Variants in VAPB observed in about 807,000 individuals in gnomAD.
VAPB encodes VAMP associated protein B and C, also known as vesicle-associated membrane protein-associated protein B/C.
VAPB carries 7 observed loss-of-function variants against 25.6 expected under a neutral mutation model. The observed-to-expected ratio is 0.27, with a 90% CI of 0.16 to 0.51. The LOEUF is 0.51. Among genes scored for constraint, VAPB ranks in the 20% least tolerant of loss-of-function variants. VAPB has a pLI of 0.97. For missense variants in VAPB, 266 were observed against 301.3 expected (o/e 0.88, Z 0.87); for synonymous variants, 112 against 109.2 (o/e 1.03, Z -0.16).
chr20:58,437,991 A>C (rs989670863), intron 3 of VAPB, among the ~76,000 whole-genome samples: 2 of 152,144 alleles, frequency 1.3e-5, no homozygotes, highest in African/African-American at 4.8e-5. Context: ...GTAATCCTAG[A>C]ATACCCTGGA....
chr20:58,439,256 C>G (rs890863304), intron 4 of VAPB: 13 of 536,958 alleles, frequency 2.4e-5, no homozygotes, highest in Non-Finnish European at 4.0e-5. Flanking sequence ...AAGTGCAGCC[C>G]GATGGCCATT....
At chr20:58,426,323 A>G (rs1988780767) in intron 2 of VAPB, among the ~76,000 whole-genome samples, 1 of 152,074 alleles carries the variant, frequency 6.6e-6, no homozygotes, top group Admixed American at 6.6e-5. Context: ...TCAGCCTCCC[A>G]AGTAGCTGGG....
At chr20:58,410,152 A>AC (rs1988341304) in intron 1 of VAPB, among the ~76,000 whole-genome samples, 2 of 151,868 alleles carry the variant, frequency 1.3e-5, no homozygotes, top group African/African-American at 2.4e-5. Context: ...ATGCATCATA[A>AC]CCCCCTCCAC....
At chr20:58,434,334 C>T (rs1008758810) in intron 2 of VAPB, among the ~76,000 whole-genome samples, 1 of 152,160 alleles carries the variant, frequency 6.6e-6, no homozygotes, top group African/African-American at 2.4e-5. Context: ...GGTAGGCTTG[C>T]AGTAGTGAAA....
chr20:58,405,913 C>T (rs1398572640), intron 1 of VAPB, among the ~76,000 whole-genome samples: 4 of 151,942 alleles, frequency 2.6e-5, no homozygotes, highest in Non-Finnish European at 4.4e-5. Context: ...GCCACCACGC[C>T]TAAGTAATTT....
chr20:58,429,140 CT>C lies in VAPB; in HGVS notation c.212-5448del, dbSNP rs11478890. On this transcript the variant is annotated intron_variant, in intron 2 of 5. Transcript: ENST00000475243. The stretch of plus-strand genomic sequence containing the variant: ...AGCATATGCCATGGTGCTTGTTAGA[CT>C]TTTTTTTTTTTTTCCAAAGCAGAAA... Among the ~76,000 whole-genome samples, 1,241 of 140,280 alleles carry C rather than the reference CT, an allele frequency of 8.8e-3. 12 individuals carry two copies. Among genetic ancestry groups the C allele is most frequent in the African/African-American group, 0.028 (1,075 of 38,328 alleles). 92.0% of individuals were successfully genotyped at this position (140,280 alleles called of 152,430 possible). A position where few individuals can be genotyped will look rare whatever the true frequency, so the allele number is the denominator to read the frequency against.
chr20:58,401,448 A>T (rs1988093544), intron 1 of VAPB, among the ~76,000 whole-genome samples: 1 of 152,034 alleles, frequency 6.6e-6, no homozygotes, highest in Admixed American at 6.6e-5. Context: ...GAGCTCAATC[A>T]TTGCTTCATC....
intron 1 of VAPB, chr20:58,390,253 G>A (rs997068462): frequency 6.6e-6 from 1 of 152,220 alleles, no homozygotes; most frequent in East Asian, 1.9e-4. Flanking sequence ...ACGGTGCTGG[G>A]ATCCTTTTTC....
intron 5 of VAPB, among the ~76,000 whole-genome samples, chr20:58,442,202 T>G (rs376719036): frequency 3.3e-5 from 5 of 152,234 alleles, no homozygotes; most frequent in African/African-American, 1.2e-4. Flanking sequence ...GAGGTAGATA[T>G]AGGAGAACTG....
chr20:58,405,346 G>T (rs1988200093), intron 1 of VAPB, among the ~76,000 whole-genome samples: 1 of 152,230 alleles, frequency 6.6e-6, no homozygotes, highest in South Asian at 2.1e-4. Flanking sequence ...GGCCTGCGGG[G>T]AGATGAGCTC....
intron 2 of VAPB, among the ~76,000 whole-genome samples, chr20:58,431,681 C>T (rs1289200365): frequency 6.6e-6 from 1 of 151,990 alleles, no homozygotes; most frequent in African/African-American, 2.4e-5. Flanking sequence ...AGCAGTCCTT[C>T]CACCTCAATC....
chr20:58,414,481 G>A (rs182736724), intron 1 of VAPB, among the ~76,000 whole-genome samples: 8,572 of 151,256 alleles, frequency 0.057, 379 homozygotes, highest in Non-Finnish European at 0.084. Flanking sequence ...GGCGGTTGCC[G>A]GGCAGAGGGT....
chr20:58,423,254 A>G (rs1244773686), intron 2 of VAPB, among the ~76,000 whole-genome samples: 1 of 151,752 alleles, frequency 6.6e-6, no homozygotes, highest in Non-Finnish European at 1.5e-5. Flanking sequence ...TCTACTAAAC[A>G]TACAAAATTA....
At chr20:58,398,517 A>G (rs556852806) in intron 1 of VAPB, among the ~76,000 whole-genome samples, 1 of 152,298 alleles carries the variant, frequency 6.6e-6, no homozygotes, top group East Asian at 1.9e-4. Flanking sequence ...CCTGGGAGGA[A>G]GGCCTAGCCC....
Position 58,444,114 on chromosome 20 carries a change from G to A in VAPB, c.611G>A (p.Ser204Asn). 1 of 1,614,228 alleles carries A rather than the reference G, an allele frequency of 6.2e-7. No homozygotes were observed. The highest frequency in any genetic ancestry group is 8.5e-7 in the Non-Finnish European group (1 of 1,180,044). The change falls in exon 6 of 6, where the codon AGC becomes AAC. Residue 204 changes from serine to asparagine, a missense_variant. By Grantham distance (46) the Ser-to-Asn change is conservative (BLOSUM62 1). This residue lies in a region of VAPB where 136 missense variants were observed against 130.7 expected (regional missense o/e 1.04). Transcript: ENST00000475243. ...DGLRMRKTVQ[S>N]NSPISALAPT... ...CTGCGGATGAGGAAGACAGTGCAGAGCAACAGCCCCATTTCAGCATTAGCC... is the reference window on the plus strand; with the variant it reads ...CTGCGGATGAGGAAGACAGTGCAGAACAACAGCCCCATTTCAGCATTAGCC...
chr20:58,423,442 A>AAAAAAAAAAAAAAAAAAAAAAC (rs1333986228), intron 2 of VAPB, among the ~76,000 whole-genome samples: 1 of 149,608 alleles, frequency 6.7e-6, no homozygotes, highest in Admixed American at 6.7e-5. Flanking sequence ...AAAAAAAAAA[A>AAAAAAAAAAAAAAAAAAAAAAC]AAAAAAAGAA....
chr20:58,427,769 G>GC (rs1310559729), intron 2 of VAPB, among the ~76,000 whole-genome samples: 2 of 150,648 alleles, frequency 1.3e-5, no homozygotes, highest in East Asian at 3.9e-4. Flanking sequence ...TGATGCAGAT[G>GC]AAAGTGATCT....
intron 2 of VAPB, among the ~76,000 whole-genome samples, chr20:58,419,781 A>C (rs563014310): frequency 6.6e-6 from 1 of 152,172 alleles, no homozygotes; most frequent in Non-Finnish European, 1.5e-5. Flanking sequence ...CCCCTCTTCT[A>C]TCTACTTTCC....
chr20:58,428,238 CTG>C (rs1245258836), intron 2 of VAPB, among the ~76,000 whole-genome samples: 4 of 152,200 alleles, frequency 2.6e-5, no homozygotes, highest in African/African-American at 9.7e-5. Context: ...AGTTTGCAAT[CTG>C]TAATACAACA....
Sources: allele counts gnomAD v4.1 joint callset (sites outside exome capture counted in the v4.1 genomes callset), GRCh38; gene constraint gnomAD v4.1.1; regional missense constraint gnomAD v4.1.1; transcripts MANE v1.5; gene names NCBI Gene and HGNC (gene_info 2026-07-23, HGNC 2026-07-21).